The following TRABD2B variants were observed in gnomAD, a reference collection of about 807,000 sequenced individuals.
The protein encoded by TRABD2B is TraB domain containing 2B.
In TRABD2B, 14 loss-of-function variants were observed where a neutral mutation model predicts 40.1. The observed-to-expected ratio is 0.35, with a 90% CI of 0.23 to 0.55. The LOEUF (loss-of-function observed/expected upper bound fraction) is 0.55. Among genes scored for constraint, TRABD2B ranks in the 20% least tolerant of loss-of-function variants. The pLI is 0.90. For synonymous variants in TRABD2B, 263 were observed against 277.0 expected (o/e 0.95, Z 0.50); for missense variants, 541 against 648.6 (o/e 0.83, Z 1.80).
At chr1:47,799,158 G>A (rs1318204819) in intron 3 of TRABD2B, among the ~76,000 whole-genome samples, 1 of 152,164 alleles carries the variant, frequency 6.6e-6, no homozygotes, top group African/African-American at 2.4e-5. Context: ...TCATGCCTCC[G>A]TTTCTCAGCT....
At chr1:47,880,996 A>C (rs555079617) in intron 2 of TRABD2B, among the ~76,000 whole-genome samples, 2 of 152,270 alleles carry the variant, frequency 1.3e-5, no homozygotes, top group South Asian at 2.1e-4. Context: ...GCGGTCCATA[A>C]ATTCAGGCTC....
chr1:47,892,344 G>C (rs928650336), intron 2 of TRABD2B, among the ~76,000 whole-genome samples: 4 of 152,230 alleles, frequency 2.6e-5, no homozygotes, highest in Non-Finnish European at 4.4e-5. Context: ...GAAGAAGTCT[G>C]GTAAGAATCA....
At chr1:47,856,994 T>G (rs1399626440) in intron 2 of TRABD2B, among the ~76,000 whole-genome samples, 1 of 151,702 alleles carries the variant, frequency 6.6e-6, no homozygotes, top group African/African-American at 2.4e-5. Flanking sequence ...GAATAGGAGG[T>G]TTTTTGACAG....
chr1:47,923,049 T>C lies in TRABD2B; in HGVS notation c.666+70985A>G, dbSNP rs538738955. Among the ~76,000 whole-genome samples, 5 of 152,316 alleles carry C rather than the reference T, an allele frequency of 3.3e-5. No homozygotes were observed. The South Asian group carries it at 1.0e-3, about 32-fold the overall frequency. ...CAGCTGCTTCCCTCTGAGCCTCAAA[T>C]GCGCCAAGGCCTTTCCCACCTTAGG... is the stretch of plus-strand genomic sequence containing the variant. On this transcript the variant is annotated intron_variant, in intron 2 of 6. Coordinates refer to ENST00000606738, the MANE Select transcript of TRABD2B (RefSeq NM_001194986.2).
At chr1:47,922,260 T>C (rs1644912970) in intron 2 of TRABD2B, among the ~76,000 whole-genome samples, 1 of 152,186 alleles carries the variant, frequency 6.6e-6, no homozygotes, top group East Asian at 1.9e-4. Flanking sequence ...ACTTGCTATC[T>C]CTACCAAGAA....
chr1:47,832,927 C>T (rs1304693159), intron 2 of TRABD2B, among the ~76,000 whole-genome samples: 1 of 152,108 alleles, frequency 6.6e-6, no homozygotes, highest in Non-Finnish European at 1.5e-5. Flanking sequence ...GACCCTCCAC[C>T]TGGCTGTCAC....
In TRABD2B at chr1:47,994,647, A is replaced by C; in HGVS notation, c.103-50T>G. The stretch of plus-strand genomic sequence containing the variant: ...GCAGTGAGGCCGAAGGCAACAGAGT[A>C]GAGTCAGGGTAGCCCAGAGGCACGT... On this transcript the variant is annotated intron_variant, in intron 1 of 6. Transcript: ENST00000606738. This position sits in a 1 kb window ranked among gnomAD's most constrained non-coding sequence, Gnocchi z 6.7. The C allele has an allele frequency of 7.4e-6, 11 of 1,490,470 alleles. No homozygotes were observed. Among genetic ancestry groups the C allele is most frequent in the Non-Finnish European group, 9.8e-6 (11 of 1,118,440 alleles). The allele number at this position is 1,490,470 out of a possible 1,614,324, so 92.3% of individuals were successfully genotyped here.
intron 2 of TRABD2B, among the ~76,000 whole-genome samples, chr1:47,948,073 G>T (rs1419126202): frequency 6.6e-6 from 1 of 152,146 alleles, no homozygotes; most frequent in Non-Finnish European, 1.5e-5. Context: ...TCTGGAATTT[G>T]GGGGGCCGTG....
intron 2 of TRABD2B, among the ~76,000 whole-genome samples, chr1:47,960,581 A>G (rs1175390037): frequency 6.6e-6 from 1 of 152,208 alleles, no homozygotes; most frequent in Non-Finnish European, 1.5e-5. Flanking sequence ...ACAGACAGAG[A>G]GCCAAATCAT....
intron 2 of TRABD2B, among the ~76,000 whole-genome samples, chr1:47,901,049 G>A (rs1356503039): frequency 6.6e-6 from 1 of 152,178 alleles, no homozygotes; most frequent in Non-Finnish European, 1.5e-5. Context: ...AATCATAAAA[G>A]GGTGGGTAAT....
At chr1:47,945,337 A>G (rs1031295842) in intron 2 of TRABD2B, among the ~76,000 whole-genome samples, 2 of 152,200 alleles carry the variant, frequency 1.3e-5, no homozygotes, top group South Asian at 4.1e-4. Flanking sequence ...GAAGGATTTT[A>G]CCAGGTCCAA....
chr1:47,837,601 A>G (rs1645336362), intron 2 of TRABD2B, among the ~76,000 whole-genome samples: 1 of 151,968 alleles, frequency 6.6e-6, no homozygotes, highest in Admixed American at 6.6e-5. Flanking sequence ...TGTCTGTATC[A>G]CCTTGACCAT....
intron 2 of TRABD2B, among the ~76,000 whole-genome samples, chr1:47,993,807 T>C (rs1003800987): frequency 6.6e-6 from 1 of 152,066 alleles, no homozygotes; most frequent in Non-Finnish European, 1.5e-5. Flanking sequence ...ACTGCTGAAA[T>C]AGAAGCAAAC....
At chr1:47,970,131 G>A (rs1185075004) in intron 2 of TRABD2B, among the ~76,000 whole-genome samples, 1 of 152,050 alleles carries the variant, frequency 6.6e-6, no homozygotes, top group African/African-American at 2.4e-5. Context: ...AGAGACTCCT[G>A]TTTTCCAAGT....
At chr1:47,946,774 T>A (rs1339627169) in intron 2 of TRABD2B, among the ~76,000 whole-genome samples, 2 of 152,196 alleles carry the variant, frequency 1.3e-5, no homozygotes, top group East Asian at 3.9e-4. Flanking sequence ...TTAGGAAGTG[T>A]TCCCTCCTCT....
intron 2 of TRABD2B, among the ~76,000 whole-genome samples, chr1:47,887,367 G>GCT (rs1357949386): frequency 2.0e-5 from 3 of 152,004 alleles, no homozygotes; most frequent in African/African-American, 7.2e-5. Context: ...CATGCTACTA[G>GCT]CTCTCTCAGT....
chr1:47,963,681 A>C (rs1170914225), intron 2 of TRABD2B, among the ~76,000 whole-genome samples: 1 of 152,210 alleles, frequency 6.6e-6, no homozygotes, highest in African/African-American at 2.4e-5. Context: ...ATTCTGGCTA[A>C]AATTTCCCAG....
intron 6 of TRABD2B, among the ~76,000 whole-genome samples, chr1:47,774,333 T>C (rs2282361): frequency 0.44 from 66,902 of 152,048 alleles, 15,172 homozygotes; most frequent in East Asian, 0.58. Flanking sequence ...CATGGCATAT[T>C]CAGAGCTGGG....
intron 6 of TRABD2B, among the ~76,000 whole-genome samples, chr1:47,767,698 T>G (rs1644323351): frequency 6.6e-6 from 1 of 152,184 alleles, no homozygotes; most frequent in South Asian, 2.1e-4. Flanking sequence ...CTGGCCAGCC[T>G]AGAGGGTAGG....
Sources: gnomAD v4.1 joint callset for allele counts (sites outside exome capture counted in the v4.1 genomes callset) on GRCh38, gnomAD v4.1.1 for gene constraint, Gnocchi (gnomAD v3.1) non-coding constraint, MANE v1.5 for transcripts, NCBI Gene and HGNC (gene_info 2026-07-23, HGNC 2026-07-21) for gene names.